FARS2: variants seen among roughly 807,000 people sequenced by gnomAD.
FARS2 encodes phenylalanine--tRNA ligase, mitochondrial.
FARS2 carries 40 observed loss-of-function variants against 46.4 expected under a neutral mutation model. The ratio of observed to expected loss-of-function variants is 0.86; its 90% confidence interval spans 0.67 to 1.12. FARS2 has a LOEUF of 1.12. Among genes scored for constraint, FARS2 ranks in the 50% most tolerant of loss-of-function variants. The probability of loss-of-function intolerance (pLI) is 0.00; values close to 1 mark genes in which losing one functional copy is unlikely to be tolerated. For missense variants in FARS2, 513 were observed against 567.9 expected (o/e 0.90, Z 0.98); for synonymous variants, 234 against 214.9 (o/e 1.09, Z -0.78).
At chr6:5,661,949 A>G (rs1777870922) in intron 6 of FARS2, among the ~76,000 whole-genome samples, 2 of 145,752 alleles carry the variant, frequency 1.4e-5, no homozygotes, top group African/African-American at 4.9e-5. Flanking sequence ...AGTGTTCCTC[A>G]GAAGGTAAGA....
intron 5 of FARS2, among the ~76,000 whole-genome samples, chr6:5,547,733 A>G (rs1043003390): frequency 6.6e-6 from 1 of 152,240 alleles, no homozygotes; most frequent in African/African-American, 2.4e-5. Flanking sequence ...ATGCCAGCCC[A>G]TGCTTGGCTG....
At chr6:5,679,078 C>A (rs909390557) in intron 6 of FARS2, among the ~76,000 whole-genome samples, 2 of 152,196 alleles carry the variant, frequency 1.3e-5, no homozygotes, top group African/African-American at 2.4e-5. Context: ...TAGGAACATC[C>A]TGCCAGAGGC....
intron 4 of FARS2, among the ~76,000 whole-genome samples, chr6:5,514,196 C>G (rs2150409722): frequency 6.6e-6 from 1 of 151,984 alleles, no homozygotes; most frequent in South Asian, 2.1e-4. Context: ...TGCAGCCAAA[C>G]CCTTAAATGA....
intron 1 of FARS2, among the ~76,000 whole-genome samples, chr6:5,289,532 A>G (rs1767358704): frequency 6.6e-6 from 1 of 152,248 alleles, no homozygotes; most frequent in Non-Finnish European, 1.5e-5. Flanking sequence ...TAAATGAAGT[A>G]GTGGTCCACG....
At chr6:5,261,048 G>C (rs1285728362), upstream of FARS2, 1 of 777,250 alleles carries the variant, frequency 1.3e-6, no homozygotes, top group Non-Finnish European at 1.6e-6. Context: ...CGCTCCACGC[G>C]GCGGGAGGGC....
intron 4 of FARS2, among the ~76,000 whole-genome samples, chr6:5,432,314 TAAAAAAA>T (rs775731412): frequency 1.3e-4 from 13 of 97,446 alleles, no homozygotes; most frequent in East Asian, 8.6e-4. Context: ...CACTCAGTCT[TAAAAAAA>T]AAAAAAATAT....
intron 6 of FARS2, among the ~76,000 whole-genome samples, chr6:5,769,486 G>A (rs1762919748): frequency 6.6e-6 from 1 of 152,252 alleles, no homozygotes; most frequent in East Asian, 1.9e-4. Context: ...AGCACAAAGT[G>A]AGGAGAAAAG....
At chr6:5,663,986 G>C (rs1168020801) in intron 6 of FARS2, among the ~76,000 whole-genome samples, 1 of 152,200 alleles carries the variant, frequency 6.6e-6, no homozygotes, top group Non-Finnish European at 1.5e-5. Context: ...GTAGATGGCT[G>C]TGTTCACAGC....
intron 4 of FARS2, among the ~76,000 whole-genome samples, chr6:5,474,893 C>T (rs112406613): frequency 1.3e-5 from 2 of 152,104 alleles, no homozygotes; most frequent in Admixed American, 6.5e-5. Context: ...CTCCTGACCT[C>T]GTGATCCACC....
At chr6:5,712,417 A>G (rs1759229268) in intron 6 of FARS2, among the ~76,000 whole-genome samples, 1 of 152,156 alleles carries the variant, frequency 6.6e-6, no homozygotes, top group Admixed American at 6.5e-5. Context: ...GCGAGTGGCA[A>G]GTGTCCATGA....
intron 6 of FARS2, among the ~76,000 whole-genome samples, chr6:5,712,074 T>C (rs891912659): frequency 1.3e-5 from 2 of 152,028 alleles, no homozygotes; most frequent in African/African-American, 4.8e-5. Flanking sequence ...ACAAAGGCAA[T>C]AAATATTTTT....
At chr6:5,688,107 C>A (rs1285391537) in intron 6 of FARS2, among the ~76,000 whole-genome samples, 2 of 152,184 alleles carry the variant, frequency 1.3e-5, no homozygotes, top group East Asian at 3.9e-4. Flanking sequence ...TGGGCTGAGA[C>A]GATGGGATTT....
intron 4 of FARS2, among the ~76,000 whole-genome samples, chr6:5,495,119 C>G (rs1413539250): frequency 6.6e-6 from 1 of 152,168 alleles, no homozygotes; most frequent in African/African-American, 2.4e-5. Context: ...ATTTTCTTCC[C>G]TTTTAGATAA....
At chr6:5,389,649 A>G (rs1258074593) in intron 2 of FARS2, among the ~76,000 whole-genome samples, 2 of 152,188 alleles carry the variant, frequency 1.3e-5, no homozygotes, top group African/African-American at 4.8e-5. Flanking sequence ...AATTGGTGAT[A>G]CGGTAGTGGC....
intron 1 of FARS2, among the ~76,000 whole-genome samples, chr6:5,278,842 A>C (rs1300678045): frequency 6.6e-6 from 1 of 152,206 alleles, no homozygotes; most frequent in Admixed American, 6.5e-5. Flanking sequence ...TGCAGAGAGA[A>C]AGGAAATGCC....
At chr6:5,539,307 C>CTCAT (rs1770423958) in intron 4 of FARS2, among the ~76,000 whole-genome samples, 1 of 149,362 alleles carries the variant, frequency 6.7e-6, no homozygotes, top group Admixed American at 6.7e-5. Flanking sequence ...CCCTGGTTCA[C>CTCAT]GCCATTCTCC....
At position 5,343,368 on chromosome 6, in the gene FARS2, C is replaced by T. The variant is rs999094684; in HGVS notation, c.-21-25182C>T. Among the ~76,000 whole-genome samples, 1 of 152,086 alleles carries T rather than the reference C, an allele frequency of 6.6e-6. No individual in the cohort carries two copies. The highest frequency in any genetic ancestry group is 1.5e-5 in the Non-Finnish European group (1 of 68,016). On this transcript the variant is annotated intron_variant, in intron 1 of 6. Transcript: ENST00000274680. The surrounding 1 kb of genome is among the most constrained non-coding windows in gnomAD (Gnocchi z 4.5). ...CTGGGATTACAGGTGCACGCCACCA[C>T]GCCCAGCTAATTTTTGTATTTTTAG...
chr6:5,733,628 T>C, intron 6 of FARS2, among the ~76,000 whole-genome samples: 1 of 152,210 alleles, frequency 6.6e-6, no homozygotes, highest in Non-Finnish European at 1.5e-5. Flanking sequence ...CTGCCTTTGC[T>C]CAAGAACATG....
At chr6:5,369,310 C>A in intron 2 of FARS2, 128 bp downstream of exon 2, 1 of 905,678 alleles carries the variant, frequency 1.1e-6, no homozygotes, top group Non-Finnish European at 1.6e-6. Flanking sequence ...AGTGAATCAT[C>A]CATACTTAAT....
Sources: gnomAD v4.1 joint callset for allele counts (sites outside exome capture counted in the v4.1 genomes callset) on GRCh38, gnomAD v4.1.1 for gene constraint, Gnocchi (gnomAD v3.1) non-coding constraint, MANE v1.5 for transcripts, NCBI Gene and HGNC (gene_info 2026-07-23, HGNC 2026-07-21) for gene names.